Variants in CRPPA observed in about 807,000 individuals in gnomAD.
The protein encoded by CRPPA is CDP-L-ribitol pyrophosphorylase A, also known as D-ribitol-5-phosphate cytidylyltransferase.
Under a neutral mutation model 52.0 loss-of-function variants are expected in CRPPA, and 43 were observed. The observed-to-expected ratio is 0.83, with a 90% CI of 0.65 to 1.07. CRPPA has a LOEUF of 1.07. CRPPA is among the 50% of genes least tolerant of loss of function. The pLI is 0.00. For missense variants in CRPPA, 629 were observed against 551.7 expected (o/e 1.14, Z -1.40); for synonymous variants, 250 against 203.5 (o/e 1.23, Z -1.94).
intron 9 of CRPPA, among the ~76,000 whole-genome samples, chr7:16,188,647 T>C (rs978058581): frequency 6.6e-6 from 1 of 152,116 alleles, no homozygotes; most frequent in East Asian, 1.9e-4. Context: ...GTAAGCATAA[T>C]ATCAGGTTAA....
At chr7:16,303,926 A>C (rs1268213384) in intron 4 of CRPPA, among the ~76,000 whole-genome samples, 1 of 152,216 alleles carries the variant, frequency 6.6e-6, no homozygotes, top group African/African-American at 2.4e-5. Flanking sequence ...AGAAACTCCT[A>C]AAAAAGCACA....
intron 3 of CRPPA, among the ~76,000 whole-genome samples, chr7:16,336,051 T>C (rs957499240): frequency 1.3e-5 from 2 of 152,132 alleles, no homozygotes; most frequent in African/African-American, 4.8e-5. Context: ...ATTAAAAATT[T>C]TCCCACAAAA....
chr7:16,416,806 C>A (rs1464600179), intron 1 of CRPPA, among the ~76,000 whole-genome samples: 4 of 152,110 alleles, frequency 2.6e-5, no homozygotes, highest in Admixed American at 2.6e-4. Flanking sequence ...CCTGCCACTG[C>A]ACTCCAGCCT....
chr7:16,333,152 T>C (rs1458202418), intron 3 of CRPPA, among the ~76,000 whole-genome samples: 1 of 152,102 alleles, frequency 6.6e-6, no homozygotes, highest in Non-Finnish European at 1.5e-5. Context: ...ACTAGATGAA[T>C]AAACTGTAAT....
At chr7:16,382,990 C>T (rs531283742) in intron 2 of CRPPA, among the ~76,000 whole-genome samples, 73 of 152,372 alleles carry the variant, frequency 4.8e-4, no homozygotes, top group Admixed American at 9.1e-4. Context: ...CTTCTCTCAA[C>T]TCGTCAAAGT....
At chr7:16,395,839 T>G (rs1787554999) in intron 2 of CRPPA, among the ~76,000 whole-genome samples, 1 of 152,244 alleles carries the variant, frequency 6.6e-6, no homozygotes. Flanking sequence ...TTTTCCCAAC[T>G]TCCTTTGAAA....
intron 3 of CRPPA, among the ~76,000 whole-genome samples, chr7:16,351,412 G>A (rs765581807): frequency 5.9e-5 from 9 of 152,072 alleles, no homozygotes; most frequent in Non-Finnish European, 8.8e-5. Flanking sequence ...TCACAAATGG[G>A]ATCTAATTAA....
chr7:16,191,751 A>G (rs1195805869), intron 9 of CRPPA, among the ~76,000 whole-genome samples: 1 of 152,080 alleles, frequency 6.6e-6, no homozygotes, highest in East Asian at 1.9e-4. Context: ...ATTTGGCTAA[A>G]TGACATCTTC....
intron 2 of CRPPA, among the ~76,000 whole-genome samples, chr7:16,384,687 A>T (rs1420397895): frequency 6.6e-6 from 1 of 152,242 alleles, no homozygotes; most frequent in Non-Finnish European, 1.5e-5. Context: ...CTGAAAAAGC[A>T]ACATCAGAAG....
At chr7:16,373,914 C>T (rs1031856493) in intron 3 of CRPPA, among the ~76,000 whole-genome samples, 1 of 152,164 alleles carries the variant, frequency 6.6e-6, no homozygotes, top group Non-Finnish European at 1.5e-5. Flanking sequence ...AAACTGCACA[C>T]CTTTTATTTT....
At chr7:16,296,316 G>A (rs187933067) in intron 5 of CRPPA, among the ~76,000 whole-genome samples, 46 of 152,142 alleles carry the variant, frequency 3.0e-4, no homozygotes, top group Admixed American at 2.5e-3. Flanking sequence ...AAGAATATTC[G>A]TTTTTCTCCT....
chr7:16,261,799 T>A (rs1249652107), intron 6 of CRPPA: 1 of 152,086 alleles, frequency 6.6e-6, no homozygotes, highest in Non-Finnish European at 1.5e-5. Context: ...TTTTCTTGGA[T>A]TTCAATGTCA....
chr7:16,398,926 C>T (rs1418879847), intron 2 of CRPPA, among the ~76,000 whole-genome samples: 10 of 152,152 alleles, frequency 6.6e-5, no homozygotes, highest in South Asian at 2.1e-4. Flanking sequence ...ATGATCGAGT[C>T]GTTACTGACA....
intron 8 of CRPPA, 140 bp downstream of exon 8, chr7:16,258,250 T>C: frequency 4.0e-6 from 2 of 496,634 alleles, no homozygotes; most frequent in Admixed American, 3.8e-5. Flanking sequence ...AGCTAGAGAG[T>C]AAGCAGAGGA....
intron 9 of CRPPA, among the ~76,000 whole-genome samples, chr7:16,142,148 C>T (rs1310343547): frequency 6.6e-6 from 1 of 152,234 alleles, no homozygotes; most frequent in East Asian, 1.9e-4. Flanking sequence ...AAGAGCTCTG[C>T]CACAGATACG....
At chr7:16,337,902 A>T (rs541831023) in intron 3 of CRPPA, among the ~76,000 whole-genome samples, 2 of 152,310 alleles carry the variant, frequency 1.3e-5, no homozygotes, top group East Asian at 3.9e-4. Flanking sequence ...TCACTGTTGA[A>T]TTCCACCGTA....
chr7:16,244,926 G>C (rs939951306), intron 8 of CRPPA, among the ~76,000 whole-genome samples: 1 of 151,940 alleles, frequency 6.6e-6, no homozygotes, highest in Non-Finnish European at 1.5e-5. Context: ...CTATAACTTT[G>C]ATATCATTTT....
intron 9 of CRPPA, among the ~76,000 whole-genome samples, chr7:16,167,548 G>A (rs1781093460): frequency 6.6e-6 from 1 of 152,124 alleles, no homozygotes; most frequent in South Asian, 2.1e-4. Flanking sequence ...TCTTATAAAT[G>A]TGTCTCCATT....
chr7:16,364,314 G>A (rs1786532790), intron 3 of CRPPA, among the ~76,000 whole-genome samples: 1 of 152,168 alleles, frequency 6.6e-6, no homozygotes, highest in African/African-American at 2.4e-5. Flanking sequence ...AAATAAGTTT[G>A]ATCAATTGAT....
Sources: gnomAD v4.1 joint callset for allele counts (sites outside exome capture counted in the v4.1 genomes callset) on GRCh38, gnomAD v4.1.1 for gene constraint, MANE v1.5 for transcripts, NCBI Gene and HGNC (gene_info 2026-07-23, HGNC 2026-07-21) for gene names.